Variants in ANKS1B observed in about 807,000 individuals in gnomAD.
ANKS1B encodes ankyrin repeat and sterile alpha motif domain-containing protein 1B.
In ANKS1B, 36 loss-of-function variants were observed where a neutral mutation model predicts 148.3. The ratio of observed to expected loss-of-function variants is 0.24; its 90% CI spans 0.19 to 0.32. The LOEUF is 0.32. Ranked by LOEUF, ANKS1B falls within the 10% of genes least tolerant of loss-of-function variation. The pLI is 1.00. For synonymous variants in ANKS1B, 542 were observed against 560.8 expected, an observed-to-expected ratio of 0.97 and a Z score of 0.47; for missense variants, 1,157 against 1,542.6, an observed-to-expected ratio of 0.75 and a Z score of 4.19.
intron 22 of ANKS1B, among the ~76,000 whole-genome samples, chr12:98,785,950 C>G (rs983812259): frequency 6.6e-6 from 1 of 152,168 alleles, no homozygotes; most frequent in Non-Finnish European, 1.5e-5. Flanking sequence ...AGTTGCTTTT[C>G]CCTATGCCAT....
At chr12:99,407,223 C>T (rs2094551993) in intron 11 of ANKS1B, among the ~76,000 whole-genome samples, 1 of 145,978 alleles carries the variant, frequency 6.9e-6, no homozygotes, top group African/African-American at 2.6e-5. Flanking sequence ...GATGGTTCAA[C>T]TTATGTAAAT....
intron 20 of ANKS1B, among the ~76,000 whole-genome samples, chr12:98,804,471 T>C (rs769252676): frequency 7.2e-5 from 11 of 151,966 alleles, no homozygotes; most frequent in Non-Finnish European, 1.6e-4. Flanking sequence ...ACTCAATTTG[T>C]AGATGTTAAT....
intron 12 of ANKS1B, among the ~76,000 whole-genome samples, chr12:99,382,881 A>G (rs1000818514): frequency 6.6e-6 from 1 of 152,064 alleles, no homozygotes; most frequent in Non-Finnish European, 1.5e-5. Context: ...TTTGCTCAAC[A>G]TGAAGTCTTA....
At chr12:99,752,563 T>C (rs1415387790) in intron 8 of ANKS1B, among the ~76,000 whole-genome samples, 2 of 152,066 alleles carry the variant, frequency 1.3e-5, no homozygotes, top group African/African-American at 4.8e-5. Flanking sequence ...AGTTTTCTCA[T>C]TACGCAATAA....
chr12:98,835,263 C>A (rs1004020635), intron 17 of ANKS1B, among the ~76,000 whole-genome samples: 1 of 151,918 alleles, frequency 6.6e-6, no homozygotes, highest in African/African-American at 2.4e-5. Flanking sequence ...GGTTTTCTCA[C>A]ATATAAAGTG....
chr12:98,991,665 A>G (rs770137194), intron 17 of ANKS1B, among the ~76,000 whole-genome samples: 2 of 152,218 alleles, frequency 1.3e-5, no homozygotes, highest in Non-Finnish European at 2.9e-5. Flanking sequence ...CAACTACCCT[A>G]CGAAGCAGGT....
At chr12:99,618,435 T>A (rs2098000617) in intron 9 of ANKS1B, among the ~76,000 whole-genome samples, 1 of 152,070 alleles carries the variant, frequency 6.6e-6, no homozygotes, top group Non-Finnish European at 1.5e-5. Context: ...ATAAAAATAG[T>A]GCATAAAAAT....
At position 99,518,465 on chromosome 12, in the gene ANKS1B, T is replaced by C. The variant is rs1250485907; in HGVS notation, c.1273-13824A>G. ...TAGGTTGTCTGTGTCTAGTAATTTA[T>C]CCATTTCTTCTGGGTTTTCCAATTT... On this transcript the variant is annotated intron_variant, in intron 9 of 26. Coordinates refer to ENST00000683438, the MANE Select transcript of ANKS1B (RefSeq NM_001352186.2). Among the ~76,000 whole-genome samples, 3 of 152,156 alleles carry C rather than the reference T, an allele frequency of 2.0e-5. No homozygotes were observed. In the East Asian group the frequency reaches 5.8e-4, roughly 29 times the overall value.
chr12:98,905,771 CA>C (rs1327843147), intron 17 of ANKS1B, among the ~76,000 whole-genome samples: 1 of 150,414 alleles, frequency 6.6e-6, no homozygotes, highest in Non-Finnish European at 1.5e-5. Flanking sequence ...GAACCTGTCT[CA>C]AAAAAAGAGA....
At chr12:99,814,501 C>T (rs192685431) in intron 2 of ANKS1B, among the ~76,000 whole-genome samples, 25 of 151,820 alleles carry the variant, frequency 1.6e-4, no homozygotes, top group Non-Finnish European at 3.2e-4. Flanking sequence ...CCAGTTCACA[C>T]GCTTCTCCCC....
At chr12:99,276,093 A>G (rs1224075773) in intron 12 of ANKS1B, among the ~76,000 whole-genome samples, 2 of 152,230 alleles carry the variant, frequency 1.3e-5, no homozygotes, top group Non-Finnish European at 2.9e-5. Context: ...TCCCTATGCC[A>G]GAATAATTTA....
intron 9 of ANKS1B, among the ~76,000 whole-genome samples, chr12:99,570,727 C>G (rs921227379): frequency 6.6e-6 from 1 of 151,198 alleles, no homozygotes; most frequent in African/African-American, 2.4e-5. Flanking sequence ...TGGTATTATA[C>G]TATTCTCCCT....
At chr12:99,591,003 C>G (rs996432311) in intron 9 of ANKS1B, among the ~76,000 whole-genome samples, 1 of 151,800 alleles carries the variant, frequency 6.6e-6, no homozygotes, top group Admixed American at 6.6e-5. Flanking sequence ...TATACTTCCT[C>G]CTATATTTTA....
In ANKS1B at chr12:99,196,366, C is replaced by T. The variant is rs75348575; in HGVS notation, c.2420-41971G>A. Among the ~76,000 whole-genome samples, 635 of 152,146 alleles carry T rather than the reference C, an allele frequency of 4.2e-3. 23 individuals are homozygous for T. The East Asian group carries it at 0.086, about 21-fold the overall frequency. ...GCTCTGTGAAGCATCTGACTTTTTT[C>T]AATGTTCCATGCTAAAATTCTCTGC... On this transcript the variant is annotated intron_variant, in intron 14 of 26. Coordinates refer to ENST00000683438, the MANE Select transcript of ANKS1B (RefSeq NM_001352186.2).
intron 1 of ANKS1B, among the ~76,000 whole-genome samples, chr12:99,887,052 A>G (rs945369884): frequency 3.9e-5 from 6 of 152,208 alleles, no homozygotes; most frequent in Non-Finnish European, 5.9e-5. Context: ...GCCTTGTAGA[A>G]ATGATCTAAT....
chr12:99,455,488 C>T (rs2095832946), intron 10 of ANKS1B, among the ~76,000 whole-genome samples: 1 of 152,198 alleles, frequency 6.6e-6, no homozygotes, highest in South Asian at 2.1e-4. Context: ...AGTCAGCTTG[C>T]TTTCTCAGCA....
chr12:99,832,455 G>A (rs967701815), intron 1 of ANKS1B, among the ~76,000 whole-genome samples: 8 of 152,018 alleles, frequency 5.3e-5, no homozygotes, highest in Non-Finnish European at 8.8e-5. Flanking sequence ...CAGGGGTAGC[G>A]GCGGGTGCTT....
chr12:99,890,059 C>T (rs991384712), intron 1 of ANKS1B, among the ~76,000 whole-genome samples: 4 of 152,050 alleles, frequency 2.6e-5, no homozygotes, highest in Non-Finnish European at 5.9e-5. Flanking sequence ...GAGCTCTTCT[C>T]CCCCAGTCCT....
chr12:99,863,828 T>C (rs1159822002), intron 1 of ANKS1B, among the ~76,000 whole-genome samples: 1 of 152,044 alleles, frequency 6.6e-6, no homozygotes, highest in Admixed American at 6.6e-5. Context: ...TCCCAGCACT[T>C]TGGGATGCCG....
Sources: allele counts gnomAD v4.1 joint callset (sites outside exome capture counted in the v4.1 genomes callset), GRCh38; gene constraint gnomAD v4.1.1; transcripts MANE v1.5; gene names NCBI Gene and HGNC (gene_info 2026-07-23, HGNC 2026-07-21).